Variants in SLC22A14 observed in about 807,000 individuals in gnomAD.
SLC22A14 encodes organic cation transporter-like 4.
In SLC22A14, 50 loss-of-function variants were observed where a neutral mutation model predicts 53.9. The observed-to-expected ratio is 0.93, with a 90% CI of 0.74 to 1.17. The LOEUF is 1.17. Among genes scored for constraint, SLC22A14 ranks in the 50% most tolerant of loss-of-function variants. The pLI is 0.00. For missense variants in SLC22A14, 671 were observed against 734.7 expected (o/e 0.91, Z 1.00); for synonymous variants, 312 against 303.0 (o/e 1.03, Z -0.31).
At chr3:38,284,092 A>G (rs1703733862) in intron 1 of SLC22A14, among the ~76,000 whole-genome samples, 1 of 152,224 alleles carries the variant, frequency 6.6e-6, no homozygotes, top group Non-Finnish European at 1.5e-5. Context: ...GATGAGCTGG[A>G]GACCTCTTCC....
chr3:38,317,740 C>T (rs1704661431), intron 10 of SLC22A14, among the ~76,000 whole-genome samples: 1 of 152,120 alleles, frequency 6.6e-6, no homozygotes, highest in African/African-American at 2.4e-5. Context: ...TGTGTTAGAC[C>T]CTGTTCTACA....
chr3:38,280,297 G>A (rs569780301), upstream of SLC22A14, among the ~76,000 whole-genome samples: 21 of 152,196 alleles, frequency 1.4e-4, no homozygotes, highest in African/African-American at 4.8e-4. Flanking sequence ...CGTGTCGGCC[G>A]GCCTATAATT....
At chr3:38,287,560 T>G (rs968012895) in intron 1 of SLC22A14, among the ~76,000 whole-genome samples, 1 of 152,194 alleles carries the variant, frequency 6.6e-6, no homozygotes, top group Non-Finnish European at 1.5e-5. Flanking sequence ...TGCATGGATA[T>G]ATTTCTGGGC....
At chr3:38,284,722 C>A (rs1197584640) in intron 1 of SLC22A14, among the ~76,000 whole-genome samples, 1 of 151,824 alleles carries the variant, frequency 6.6e-6, no homozygotes, top group Non-Finnish European at 1.5e-5. Context: ...GGACACCTGG[C>A]CTGACAATGT....
intron 1 of SLC22A14, 67 bp from the exon 2 acceptor site, chr3:38,305,960 C>A (rs1047392791): frequency 1.3e-6 from 2 of 1,504,318 alleles, no homozygotes; most frequent in South Asian, 1.3e-5. Context: ...CGGTGGCTCC[C>A]ATGCTGGTCT....
intron 1 of SLC22A14, among the ~76,000 whole-genome samples, chr3:38,300,762 A>G (rs1704141299): frequency 6.6e-6 from 1 of 152,220 alleles, no homozygotes; most frequent in Non-Finnish European, 1.5e-5. Flanking sequence ...TCAGACCCCA[A>G]GAAGGAAAGA....
chr3:38,284,938 A>G (rs1229760172), intron 1 of SLC22A14, among the ~76,000 whole-genome samples: 1 of 152,180 alleles, frequency 6.6e-6, no homozygotes, highest in East Asian at 1.9e-4. Flanking sequence ...AGCCTATGTT[A>G]TAAGAGCCAT....
In SLC22A14 at chr3:38,307,687, G is replaced by A. The variant is rs759955793; in HGVS notation, c.742G>A (p.Val248Met). 1.2e-6 allele frequency: 2 copies of A among 1,614,214 alleles called. No individual in the cohort carries two copies. The highest frequency in any genetic ancestry group is 1.7e-6 in the Non-Finnish European group (2 of 1,180,046). ...LFFRFGISQS[V>M]VGYAISSISL... ...CTTTCGCTTTGGCATCTCGCAGTCA[G>A]TGGTGGGCTACGCCATCAGCAGCAT... The change falls in exon 4 of 11, where the codon GTG (valine) becomes ATG (methionine). Residue 248 changes from valine (V) to methionine (M), a missense_variant. Physicochemically the swap from Val to Met is conservative, Grantham distance 21. Transcript: ENST00000448498. This position sits in a 1 kb window ranked among gnomAD's most constrained non-coding sequence, Gnocchi z 4.4.
chr3:38,305,057 A>G (rs1052934770), intron 1 of SLC22A14: 19 of 152,200 alleles, frequency 1.2e-4, no homozygotes, highest in Non-Finnish European at 1.8e-4. Flanking sequence ...TTCATTTTTA[A>G]AAGTTCATAA....
chr3:38,292,605 C>T (rs1043405607), intron 1 of SLC22A14, among the ~76,000 whole-genome samples: 5 of 152,002 alleles, frequency 3.3e-5, no homozygotes, highest in Non-Finnish European at 7.4e-5. Context: ...TGTTGGGCCT[C>T]GTGTCTAAGG....
At position 38,295,723 on chromosome 3, in the gene SLC22A14, C is replaced by A. The variant is rs547142531; in HGVS notation, c.1-10304C>A. ...TTTGACTCCCTCGTTGTCTCTCTGCCTCTTTCTCCTCTCTGTCTCTCTCTC... is the reference window on the plus strand; with the variant it reads ...TTTGACTCCCTCGTTGTCTCTCTGCATCTTTCTCCTCTCTGTCTCTCTCTC... On this transcript the variant is annotated intron_variant, in intron 1 of 10. Transcript: ENST00000448498. 5.3e-5 allele frequency among the ~76,000 whole-genome samples: 8 copies of A among 149,958 alleles called. No individual in the cohort carries two copies. In the East Asian group the frequency reaches 1.6e-3, roughly 30 times the overall value.
chr3:38,300,886 G>T (rs1429896791), intron 1 of SLC22A14, among the ~76,000 whole-genome samples: 2 of 152,164 alleles, frequency 1.3e-5, no homozygotes, highest in Non-Finnish European at 2.9e-5. Flanking sequence ...CTTGCCCACT[G>T]CAGCCTTAAA....
chr3:38,285,190 A>T (rs914860633), intron 1 of SLC22A14, among the ~76,000 whole-genome samples: 5 of 151,980 alleles, frequency 3.3e-5, no homozygotes, highest in Non-Finnish European at 5.9e-5. Flanking sequence ...GCAGAAGTTC[A>T]CTACACTAAA....
intron 7 of SLC22A14, 21 bp from the exon 8 acceptor site, chr3:38,313,706 T>C (rs774787747): frequency 1.0e-6 from 1 of 1,001,348 alleles, no homozygotes; most frequent in Non-Finnish European, 1.4e-6. Context: ...GCACGCGCAC[T>C]TGCCTCCTGG....
Position 38,284,244 on chromosome 3 carries a change from G to A in SLC22A14, c.-1+1905G>A, listed in dbSNP as rs369026920. On this transcript the variant is annotated intron_variant, in intron 1 of 10. Transcript: ENST00000448498. ...CCATCCCTGTCCGCCCTGTCCGATA[G>A]TAGAGCGAGGGGCTCATGGTGGCTT... 3.0e-4 allele frequency among the ~76,000 whole-genome samples: 45 copies of A among 152,340 alleles called. 1 individual carries two copies. The South Asian group carries it at 9.3e-3, about 32-fold the overall frequency.
chr3:38,290,113 T>C lies in SLC22A14; in HGVS notation c.-1+7774T>C, dbSNP rs546975191. ...GCCCTATGTTTAAAGGTGGATATGG[T>C]CACCTTCCCAGATAGGCTTAGGGAT... On this transcript the variant is annotated intron_variant, in intron 1 of 10. Transcript: ENST00000448498. 3.3e-5 allele frequency among the ~76,000 whole-genome samples: 5 copies of C among 152,316 alleles called. No homozygotes were observed. In the South Asian group the frequency reaches 1.0e-3, roughly 32 times the overall value.
chr3:38,294,580 GCAC>G (rs145722433), intron 1 of SLC22A14, among the ~76,000 whole-genome samples: 3,044 of 152,178 alleles, frequency 0.02, 92 homozygotes, highest in African/African-American at 0.067. Context: ...AGGGATGCCA[GCAC>G]CCCTAGTCAT....
At chr3:38,288,527 C>T (rs975519089) in intron 1 of SLC22A14, among the ~76,000 whole-genome samples, 4 of 152,178 alleles carry the variant, frequency 2.6e-5, no homozygotes, top group Non-Finnish European at 5.9e-5. Context: ...ATGGTGGCTA[C>T]ACCCTTTTAC....
At chr3:38,295,424 T>C (rs1704009394) in intron 1 of SLC22A14, among the ~76,000 whole-genome samples, 1 of 152,260 alleles carries the variant, frequency 6.6e-6, no homozygotes, top group Admixed American at 6.5e-5. Context: ...CAGTTGCTGC[T>C]ACAGATTGAA....
Sources: gnomAD v4.1 joint callset for allele counts (sites outside exome capture counted in the v4.1 genomes callset) on GRCh38, gnomAD v4.1.1 for gene constraint, Gnocchi (gnomAD v3.1) non-coding constraint, MANE v1.5 for transcripts, NCBI Gene and HGNC (gene_info 2026-07-23, HGNC 2026-07-21) for gene names.